The following POFUT2 variants were observed in gnomAD, a reference collection of about 807,000 sequenced individuals.
The protein encoded by POFUT2 is protein O-fucosyltransferase 2, also known as GDP-fucose protein O-fucosyltransferase 2.
POFUT2 carries 30 observed loss-of-function variants against 55.0 expected under a neutral mutation model. The observed-to-expected ratio is 0.55, with a 90% CI of 0.41 to 0.74. The LOEUF (loss-of-function observed/expected upper bound fraction) is 0.74. Among genes scored for constraint, POFUT2 ranks in the 30% least tolerant of loss-of-function variants. The pLI, the probability that POFUT2 is intolerant of heterozygous loss-of-function variation, is 0.00. For synonymous variants in POFUT2, 267 were observed against 231.1 expected, an observed-to-expected ratio of 1.16 and a Z score of -1.41; for missense variants, 524 against 562.6, an observed-to-expected ratio of 0.93 and a Z score of 0.69.
At chr21:45,268,044 G>A (rs1227581895) in intron 7 of POFUT2, among the ~76,000 whole-genome samples, 1 of 152,066 alleles carries the variant, frequency 6.6e-6, no homozygotes, top group Non-Finnish European at 1.5e-5. Context: ...CTCATGCGGA[G>A]CCAAAGCTGG....
Position 45,265,561 on chromosome 21 carries a change from G to A in POFUT2, c.1211C>T (p.Pro404Leu), listed in dbSNP as rs2146534214. Residue 404 changes from proline (P) to leucine (L), a missense_variant, in exon 9 of 9, where the codon CCC (proline) becomes CTC (leucine). Transcript: ENST00000349485. This position sits in a 1 kb window ranked among gnomAD's most constrained non-coding sequence, Gnocchi z 4.6. ...GCAGAACCTGTTGTACGTCGTCTTG[G>A]GGTCCAACCCCAGGATTTCTCTTTC... ...HEEREILGLD[P>L]KTTYNRFCGD... is the part of the protein sequence containing the mutation. 1 of 1,614,110 alleles carries A rather than the reference G, an allele frequency of 6.2e-7. No homozygotes were observed. The highest frequency in any genetic ancestry group is 2.2e-5 in the East Asian group (1 of 44,892).
In POFUT2 at chr21:45,285,867, G is replaced by A. The variant is rs1238076060; in HGVS notation, c.193C>T (p.Arg65Ter). The A allele has an allele frequency of 3.1e-6, 5 of 1,612,860 alleles. No individual in the cohort carries two copies. The highest frequency in any genetic ancestry group is 2.2e-5 in the South Asian group (2 of 91,080). Residue 65 changes from arginine (R) to a stop codon, truncating the protein, a stop_gained, in exon 2 of 9, where the codon CGA (arginine) becomes TGA (stop). Transcript: ENST00000349485. LOFTEE classifies it high-confidence loss of function. This position sits in a 1 kb window ranked among gnomAD's most constrained non-coding sequence, Gnocchi z 4.9. The stretch of plus-strand genomic sequence containing the variant: ...AGAGTCTTCAGGAGAGAGGCGATTC[G>A]GATATAGACATCCCTGCGCAGGTTG... ...GFNLRRDVYI[R>*]IASLLKTLLK...
intron 7 of POFUT2, among the ~76,000 whole-genome samples, chr21:45,268,680 G>A (rs1377076210): frequency 7.3e-5 from 11 of 149,792 alleles, no homozygotes; most frequent in East Asian, 2.0e-4. Flanking sequence ...CCACGACCCC[G>A]TCTGGGAGGT....
chr21:45,266,174 G>A (rs376967713), intron 8 of POFUT2: 94 of 1,367,206 alleles, frequency 6.9e-5, no homozygotes, highest in Non-Finnish European at 8.0e-5. Flanking sequence ...CGGCCTGCCC[G>A]TTCCTCCGGC....
At position 45,282,452 on chromosome 21, in the gene POFUT2, A is replaced by G; in HGVS notation, c.535T>C (p.Phe179Leu). The G allele has an allele frequency of 6.2e-7, 1 of 1,600,568 alleles. No individual in the cohort carries two copies. The highest frequency in any genetic ancestry group is 8.6e-7 in the Non-Finnish European group (1 of 1,168,316). The change falls in exon 4 of 9, where the codon TTT becomes CTT. Residue 179 changes from phenylalanine to leucine, a missense_variant. This residue lies in a region of POFUT2 where 274 missense variants were observed against 244.4 expected (regional missense o/e 1.12). Coordinates refer to ENST00000349485, the MANE Select transcript of POFUT2 (RefSeq NM_133635.6). The surrounding 1 kb of genome is among the most constrained non-coding windows in gnomAD (Gnocchi z 4.6). ...CCCCTGGTCTCCTCATAACCCCAAA[A>G]CCATCCTCTGGAAAACAAAACCCAC... ...QDKHEYYRGWFWGYEETRGLN... is the reference protein window; with the variant it reads ...QDKHEYYRGWLWGYEETRGLN...
chr21:45,266,039 G>A (rs1338472286), intron 8 of POFUT2: 1 of 1,224,550 alleles, frequency 8.2e-7, no homozygotes, highest in East Asian at 5.7e-5. Flanking sequence ...TGTCTAGCCA[G>A]GGCATGGCGG....
intron 1 of POFUT2, among the ~76,000 whole-genome samples, chr21:45,287,258 C>T (rs1350670519): frequency 8.1e-6 from 1 of 122,918 alleles, no homozygotes; most frequent in Admixed American, 7.9e-5. Flanking sequence ...CCCCGGCTCC[C>T]GCCCCGCCCC....
rs533878992 is a variant in POFUT2 at position 45,281,087 on chromosome 21, G to C, written c.638+1262C>G. Among the ~76,000 whole-genome samples, 3 of 152,316 alleles carry C rather than the reference G, an allele frequency of 2.0e-5. No homozygotes were observed. The highest frequency in any genetic ancestry group is 2.0e-4 in the Admixed American group (3 of 15,300). On this transcript the variant is annotated intron_variant, in intron 4 of 8. Transcript: ENST00000349485. This position sits in a 1 kb window ranked among gnomAD's most constrained non-coding sequence, Gnocchi z 5.0. ...CCCATTAGGGCTTTAACCCCCGGAA[G>C]AGACTTTCCCTGGGTGCTGGGGGCA...
chr21:45,276,353 A>T (rs1278645426), intron 6 of POFUT2, among the ~76,000 whole-genome samples: 4 of 152,184 alleles, frequency 2.6e-5, no homozygotes, highest in Non-Finnish European at 5.9e-5. Context: ...TTGCTGGAAC[A>T]ATGAATGCTA....
In POFUT2 at chr21:45,268,944, G is replaced by A. The variant is rs549041348; in HGVS notation, c.1012+895C>T. Among the ~76,000 whole-genome samples, 639 of 103,104 alleles carry A rather than the reference G, an allele frequency of 6.2e-3. 96 individuals are homozygous for A. Among genetic ancestry groups the A allele is most frequent in the Admixed American group, 0.047 (526 of 11,308 alleles). 67.6% of individuals were successfully genotyped at this position (103,104 alleles called of 152,430 possible). A position where few individuals can be genotyped will look rare whatever the true frequency, so the allele number is the denominator to read the frequency against. ...AGCCCCCCGCCTGGCCAGCCGCCCC[G>A]TCCGGGAGGTGAGGGGCGCCTCTGC... On this transcript the variant is annotated intron_variant, in intron 7 of 8. Transcript: ENST00000349485.
At chr21:45,268,881 C>T (rs1414459490) in intron 7 of POFUT2, among the ~76,000 whole-genome samples, 4 of 89,826 alleles carry the variant, frequency 4.5e-5, no homozygotes, top group African/African-American at 8.9e-5. Flanking sequence ...GCACCCCGGG[C>T]GGCCAGCCGC....
At chr21:45,278,201 AT>A in intron 4 of POFUT2, 32 bp from the exon 5 acceptor site, 2 of 1,562,106 alleles carry the variant, frequency 1.3e-6, no homozygotes. Flanking sequence ...ATAAACAGTT[AT>A]AAGAGTTAAG....
rs2030678922 is a variant in POFUT2 at position 45,281,830 on chromosome 21, G to A, written c.638+519C>T. Among the ~76,000 whole-genome samples, 1 of 151,984 alleles carries A rather than the reference G, an allele frequency of 6.6e-6. No homozygotes were observed. The highest frequency in any genetic ancestry group is 1.5e-5 in the Non-Finnish European group (1 of 68,014). On this transcript the variant is annotated intron_variant, in intron 4 of 8. Coordinates refer to ENST00000349485, the MANE Select transcript of POFUT2 (RefSeq NM_133635.6). This position sits in a 1 kb window ranked among gnomAD's most constrained non-coding sequence, Gnocchi z 5.0. ...CCTCCAGAGTTTACGACATCATCAG[G>A]TACTGACTTGTCTGCAACCCCAGCC...
intron 7 of POFUT2, among the ~76,000 whole-genome samples, chr21:45,268,287 C>A (rs1186821936): frequency 1.3e-5 from 2 of 152,234 alleles, no homozygotes; most frequent in Non-Finnish European, 2.9e-5. Flanking sequence ...ACTCAGTGCT[C>A]GATGGTGCCC....
rs80097322 is a variant in POFUT2, at chr21:45,267,794, C to T, written c.1013-81G>A. The T allele has an allele frequency of 4.3e-4, 538 of 1,262,840 alleles. 2 individuals are homozygous for T. The East Asian group carries it at 0.011, about 26-fold the overall frequency. The allele number at this position is 1,262,840 out of a possible 1,614,324, so 78.2% of individuals were successfully genotyped here. A position where few individuals can be genotyped will look rare whatever the true frequency, so the allele number is the denominator to read the frequency against. On this transcript the variant is annotated intron_variant, in intron 7 of 8. Transcript: ENST00000349485. This position sits in a 1 kb window ranked among gnomAD's most constrained non-coding sequence, Gnocchi z 4.4. ...CGTGACTCTTTAGCAGACAGACATGCGTACTTGGCTTCTGGTTAATTCGTT... is the reference window on the plus strand; with the variant it reads ...CGTGACTCTTTAGCAGACAGACATGTGTACTTGGCTTCTGGTTAATTCGTT...
At position 45,281,249 on chromosome 21, in the gene POFUT2, A is replaced by G. The variant is rs886167517; in HGVS notation, c.638+1100T>C. Among the ~76,000 whole-genome samples, 7 of 152,178 alleles carry G rather than the reference A, an allele frequency of 4.6e-5. No individual in the cohort carries two copies. Among genetic ancestry groups the G allele is most frequent in the Non-Finnish European group, 8.8e-5 (6 of 68,038 alleles). On this transcript the variant is annotated intron_variant, in intron 4 of 8. Transcript: ENST00000349485. This position sits in a 1 kb window ranked among gnomAD's most constrained non-coding sequence, Gnocchi z 5.0. ...GGCTCAGCTCCATTCTAACCTGTAA[A>G]TGTGAGTCAAAAAAACTGACTGGCA...
intron 6 of POFUT2, among the ~76,000 whole-genome samples, chr21:45,272,504 A>C (rs2093227810): frequency 6.6e-6 from 1 of 152,216 alleles, no homozygotes; most frequent in South Asian, 2.1e-4. Flanking sequence ...TCATCAAGAC[A>C]GAAAGCCAAC....
Position 45,267,358 on chromosome 21 carries a change from G to A in POFUT2, c.1136+232C>T. The A allele has an allele frequency of 6.4e-7, 1 of 1,559,522 alleles. No individual in the cohort carries two copies. Among genetic ancestry groups the A allele is most frequent in the Non-Finnish European group, 8.7e-7 (1 of 1,153,640 alleles). ...ACGAGGCCAGCTATGCCAACAGCCT[G>A]CTATGGAGGAATTCTGTGCATGAGA... On this transcript the variant is annotated intron_variant, in intron 8 of 8. Coordinates refer to ENST00000349485, the MANE Select transcript of POFUT2 (RefSeq NM_133635.6). The surrounding 1 kb of genome is among the most constrained non-coding windows in gnomAD (Gnocchi z 4.4).
At chr21:45,274,339 C>T (rs1403414236) in intron 6 of POFUT2, among the ~76,000 whole-genome samples, 1 of 152,140 alleles carries the variant, frequency 6.6e-6, no homozygotes, top group Non-Finnish European at 1.5e-5. Flanking sequence ...GGAAATACAT[C>T]CCATGCTCAT....
Sources: allele counts gnomAD v4.1 joint callset (sites outside exome capture counted in the v4.1 genomes callset), GRCh38; gene constraint gnomAD v4.1.1; regional missense constraint gnomAD v4.1.1; non-coding constraint Gnocchi (gnomAD v3.1); transcripts MANE v1.5; gene names NCBI Gene and HGNC (gene_info 2026-07-23, HGNC 2026-07-21).